Variants in AKAP13 observed in about 807,000 individuals in gnomAD.
AKAP13 encodes the protein A-kinase anchoring protein 13.
A neutral mutation model predicts 264.5 loss-of-function variants in AKAP13; 80 were observed. The observed-to-expected ratio is 0.30, with a 90% CI of 0.25 to 0.36. The LOEUF (loss-of-function observed/expected upper bound fraction) is 0.36, where lower values mean the gene tolerates loss of function less well. AKAP13 is among the 10% of genes least tolerant of loss of function. AKAP13 has a pLI of 1.00. For synonymous variants in AKAP13, 1,380 were observed against 1,250.2 expected, an observed-to-expected ratio of 1.10 and a Z score of -2.19; for missense variants, 3,712 against 3,435.2, an observed-to-expected ratio of 1.08 and a Z score of -2.01.
intron 16 of AKAP13, among the ~76,000 whole-genome samples, chr15:85,687,123 A>G (rs995329544): frequency 6.6e-6 from 1 of 152,180 alleles, no homozygotes; most frequent in African/African-American, 2.4e-5. Context: ...TGGAATTTAG[A>G]AACTGGACCC....
At chr15:85,415,628 A>G in intron 1 of AKAP13, 3 of 1,421,882 alleles carry the variant, frequency 2.1e-6, no homozygotes, top group Non-Finnish European at 2.9e-6. Context: ...ATGAAAAAGT[A>G]GAATAAAAAT....
intron 2 of AKAP13, among the ~76,000 whole-genome samples, chr15:85,520,390 C>G (rs1224931540): frequency 6.7e-6 from 1 of 149,770 alleles, no homozygotes. Flanking sequence ...CCCAGCTACT[C>G]AGGAGGCTGA....
chr15:85,742,784 TTTGA>T (rs909549630), intron 35 of AKAP13, among the ~76,000 whole-genome samples: 7 of 152,272 alleles, frequency 4.6e-5, no homozygotes, highest in East Asian at 1.9e-4. Flanking sequence ...TTGCCGTTTG[TTTGA>T]TTGATTGATC....
At chr15:85,504,531 A>AAAAAAAAAAAAAAAG (rs2076143305) in intron 2 of AKAP13, among the ~76,000 whole-genome samples, 1 of 121,244 alleles carries the variant, frequency 8.2e-6, no homozygotes, top group East Asian at 2.4e-4. Context: ...AAAAAAAAAA[A>AAAAAAAAAAAAAAAG]AAAAGAAAAA....
chr15:85,468,844 G>A (rs577478838), intron 1 of AKAP13, among the ~76,000 whole-genome samples: 2 of 151,648 alleles, frequency 1.3e-5, no homozygotes, highest in Non-Finnish European at 1.5e-5. Flanking sequence ...TTACATACAG[G>A]TCTCTCCTAA....
At chr15:85,482,330 CTA>C (rs976669342) in intron 1 of AKAP13, among the ~76,000 whole-genome samples, 2 of 152,156 alleles carry the variant, frequency 1.3e-5, no homozygotes, top group Admixed American at 1.3e-4. Flanking sequence ...TTATTTTTCT[CTA>C]TAGAATTTGT....
At chr15:85,529,883 A>G (rs1463449862) in intron 3 of AKAP13, among the ~76,000 whole-genome samples, 1 of 152,178 alleles carries the variant, frequency 6.6e-6, no homozygotes, top group Non-Finnish European at 1.5e-5. Context: ...AATCGTACCA[A>G]ACAAATTCCA....
chr15:85,588,301 T>C (rs2079443926), intron 8 of AKAP13, among the ~76,000 whole-genome samples: 1 of 152,234 alleles, frequency 6.6e-6, no homozygotes, highest in Admixed American at 6.5e-5. Context: ...TATTCATGAC[T>C]AATGCCTGGG....
In AKAP13 at chr15:85,585,721, T is replaced by A. The variant is rs1417960594; in HGVS notation, c.4059T>A (p.Ala1353=). 4.3e-6 allele frequency: 7 copies of A among 1,614,008 alleles called. No homozygotes were observed. The African/African-American group carries it at 8.0e-5, about 18-fold the overall frequency. Residue 1353 remains alanine, a synonymous_variant, in exon 8 of 37, where the codon GCT becomes GCA. Transcript: ENST00000394518. The stretch of plus-strand genomic sequence containing the variant: ...TTTCAGAAATGCCAGACGTGAAAGC[T>A]GAAGATGAAGTGGATTTTAGAGCAA... ...EPAAEMPDVK[A]EDEVDFRASS...
intron 14 of AKAP13, among the ~76,000 whole-genome samples, chr15:85,676,162 C>T (rs765053340): frequency 6.6e-6 from 1 of 152,140 alleles, no homozygotes; most frequent in African/African-American, 2.4e-5. Flanking sequence ...TTGCCCACCT[C>T]GGCCTCCCAA....
Position 85,579,782 on chromosome 15 carries a change from C to G in AKAP13, c.1714C>G (p.Arg572Gly). ...TEKTAETETS[R>G]SREESADAPV... ...AAAAACAGCAGAAACGGAAACTTCA[C>G]GAAGTCGTGAGGAGAGTGCTGATGC... The change falls in exon 7 of 37, where the codon CGA becomes GGA. Residue 572 changes from arginine (R) to glycine (G), a missense_variant. By Grantham distance (125) the Arg-to-Gly change is moderately radical. This residue lies in a region of AKAP13 where 2,759 missense variants were observed against 2,411.7 expected (regional missense o/e 1.14). Transcript: ENST00000394518. The G allele has an allele frequency of 3.7e-6, 6 of 1,614,208 alleles. No individual in the cohort carries two copies. The highest frequency in any genetic ancestry group is 5.1e-6 in the Non-Finnish European group (6 of 1,180,038).
At chr15:85,591,324 A>G (rs948866019) in intron 8 of AKAP13, among the ~76,000 whole-genome samples, 5 of 152,218 alleles carry the variant, frequency 3.3e-5, no homozygotes, top group African/African-American at 9.6e-5. Flanking sequence ...TTAAACAAGC[A>G]TCCCTGAATG....
At chr15:85,703,601 GA>G (rs2086052587) in intron 17 of AKAP13, among the ~76,000 whole-genome samples, 1 of 152,154 alleles carries the variant, frequency 6.6e-6, no homozygotes, top group African/African-American at 2.4e-5. Flanking sequence ...CAGCACTTTG[GA>G]AGGCTGAGGC....
At chr15:85,548,429 G>A (rs2077831267) in intron 5 of AKAP13, among the ~76,000 whole-genome samples, 1 of 152,122 alleles carries the variant, frequency 6.6e-6, no homozygotes, top group Admixed American at 6.5e-5. Flanking sequence ...AAAGATGGTA[G>A]TATAGTATGG....
chr15:85,630,511 C>T (rs181752627), intron 8 of AKAP13, among the ~76,000 whole-genome samples: 14 of 152,294 alleles, frequency 9.2e-5, no homozygotes, highest in Non-Finnish European at 1.8e-4. Context: ...TCACATCTCA[C>T]ATGTAAGCTG....
In AKAP13 at chr15:85,670,008, T is replaced by C. The variant is rs553580725; in HGVS notation, c.5101+178T>C. On this transcript the variant is annotated intron_variant, in intron 14 of 36. Transcript: ENST00000394518. ...GCATAGAGTTTATCTTGAGATCTTC[T>C]TCCTTTTACCTAAAAATATCCCTAA... is the stretch of plus-strand genomic sequence containing the variant. 1.7e-4 allele frequency among the ~76,000 whole-genome samples: 26 copies of C among 152,324 alleles called. No individual in the cohort carries two copies. In the South Asian group the frequency reaches 4.6e-3, roughly 27 times the overall value.
chr15:85,442,466 T>A (rs1377097115), intron 1 of AKAP13, among the ~76,000 whole-genome samples: 1 of 122,782 alleles, frequency 8.1e-6, no homozygotes, highest in Non-Finnish European at 1.7e-5. Context: ...ATAATATACA[T>A]AATATATATT....
At chr15:85,465,408 AG>A (rs1177439185) in intron 1 of AKAP13, among the ~76,000 whole-genome samples, 1 of 151,536 alleles carries the variant, frequency 6.6e-6, no homozygotes, top group Non-Finnish European at 1.5e-5. Context: ...TGTGCAGGTT[AG>A]TTACATATGT....
At chr15:85,412,649 G>A (rs2072033102) in intron 1 of AKAP13, among the ~76,000 whole-genome samples, 1 of 152,262 alleles carries the variant, frequency 6.6e-6, no homozygotes, top group East Asian at 1.9e-4. Flanking sequence ...GGGATTCTCA[G>A]TTTTTAAGAG....
Sources: allele counts gnomAD v4.1 joint callset (sites outside exome capture counted in the v4.1 genomes callset), GRCh38; gene constraint gnomAD v4.1.1; regional missense constraint gnomAD v4.1.1; transcripts MANE v1.5; gene names NCBI Gene and HGNC (gene_info 2026-07-23, HGNC 2026-07-21).